Variants in CACNA2D3 observed in about 807,000 individuals in gnomAD.
CACNA2D3 encodes the protein voltage-dependent calcium channel subunit alpha-2/delta-3.
In CACNA2D3, 60 loss-of-function variants were observed where a neutral mutation model predicts 160.6. That is an observed-to-expected ratio of 0.37 (90% CI 0.30 to 0.46). The LOEUF (loss-of-function observed/expected upper bound fraction) is 0.46. Ranked by LOEUF, CACNA2D3 falls within the 20% of genes least tolerant of loss-of-function variation. CACNA2D3 has a pLI of 1.00. For synonymous variants in CACNA2D3, 558 were observed against 492.9 expected, an observed-to-expected ratio of 1.13 and a Z score of -1.75; for missense variants, 1,205 against 1,365.0, an observed-to-expected ratio of 0.88 and a Z score of 1.85.
intron 2 of CACNA2D3, among the ~76,000 whole-genome samples, chr3:54,262,216 T>C (rs957059729): frequency 6.6e-6 from 1 of 152,124 alleles, no homozygotes; most frequent in Non-Finnish European, 1.5e-5. Context: ...TGGTAGACCA[T>C]GTCTGCATAT....
intron 4 of CACNA2D3, among the ~76,000 whole-genome samples, chr3:54,473,555 C>T (rs1432040442): frequency 2.0e-4 from 30 of 152,170 alleles, no homozygotes; most frequent in Admixed American, 2.0e-3. Context: ...AACTAAACAG[C>T]TTCTGCACAG....
intron 2 of CACNA2D3, among the ~76,000 whole-genome samples, chr3:54,315,307 C>A (rs550660590): frequency 3.7e-4 from 57 of 152,254 alleles, no homozygotes; most frequent in African/African-American, 1.2e-3. Flanking sequence ...CCGCAGAGGC[C>A]CTGTGGAGGA....
chr3:54,652,656 C>T (rs1244657109), intron 11 of CACNA2D3, among the ~76,000 whole-genome samples: 1 of 151,964 alleles, frequency 6.6e-6, no homozygotes, highest in East Asian at 1.9e-4. Flanking sequence ...GGCTGGAGCC[C>T]AGTGGACATG....
At chr3:54,280,183 G>A (rs961399657) in intron 2 of CACNA2D3, among the ~76,000 whole-genome samples, 3 of 152,008 alleles carry the variant, frequency 2.0e-5, no homozygotes, top group Non-Finnish European at 2.9e-5. Flanking sequence ...CTGGGTTCAC[G>A]CCATTCTCCT....
At chr3:54,408,197 A>G (rs1161397468) in intron 4 of CACNA2D3, among the ~76,000 whole-genome samples, 3 of 152,214 alleles carry the variant, frequency 2.0e-5, no homozygotes, top group African/African-American at 4.8e-5. Context: ...GTGCTTGACA[A>G]GGAGACCTCA....
intron 31 of CACNA2D3, among the ~76,000 whole-genome samples, chr3:54,991,965 G>T (rs1468305285): frequency 1.3e-5 from 2 of 149,610 alleles, no homozygotes; most frequent in African/African-American, 5.1e-5. Context: ...TTGTTTGTTT[G>T]TCTTATTTTA....
intron 32 of CACNA2D3, among the ~76,000 whole-genome samples, chr3:55,006,099 C>T (rs1281759765): frequency 5.3e-5 from 8 of 152,188 alleles, no homozygotes; most frequent in Admixed American, 5.2e-4. Context: ...CTATGTCTTT[C>T]TAACCCAACT....
At position 54,503,508 on chromosome 3, in the gene CACNA2D3, C is replaced by T; in HGVS notation, c.398C>T (p.Ala133Val). ...DADLQYEYFNAVLINERDKDG... is the reference protein window; with the variant it reads ...DADLQYEYFNVVLINERDKDG... ...GTCTTTCAGTATGAATACTTCAATG[C>T]TGTGCTGATAAATGAAAGGGACAAA... The change falls in exon 5 of 38, where the codon GCT (alanine) becomes GTT (valine). Residue 133 changes from alanine to valine, a missense_variant. Ala to Val is a moderately conservative substitution (Grantham distance 64, BLOSUM62 0). Around this residue, in one of 3 missense-constraint regions of CACNA2D3, gnomAD observed 131 missense variants for 201.5 expected, o/e 0.65. Transcript: ENST00000474759. 6.2e-7 allele frequency: 1 copy of T among 1,613,838 alleles called. No individual in the cohort carries two copies. The highest frequency in any genetic ancestry group is 8.5e-7 in the Non-Finnish European group (1 of 1,179,778).
chr3:54,465,262 G>T (rs1055490962), intron 4 of CACNA2D3, among the ~76,000 whole-genome samples: 2 of 151,100 alleles, frequency 1.3e-5, no homozygotes, highest in African/African-American at 4.9e-5. Flanking sequence ...TGATTTTATT[G>T]AATTTCCTGT....
intron 9 of CACNA2D3, chr3:54,626,339 G>A (rs1472453275): frequency 3.6e-5 from 56 of 1,555,496 alleles, no homozygotes; most frequent in Non-Finnish European, 4.9e-5. Context: ...CGCCAGCAGC[G>A]GCGGCTGAAC....
intron 4 of CACNA2D3, among the ~76,000 whole-genome samples, chr3:54,464,151 C>G (rs190453217): frequency 0.026 from 3,910 of 152,182 alleles, 170 homozygotes; most frequent in African/African-American, 0.089. Flanking sequence ...CAGAGGAGTA[C>G]CCAGCCGTGT....
In CACNA2D3 at chr3:54,233,289, T is replaced by C. The variant is rs79720558; in HGVS notation, c.205-87153T>C. Among the ~76,000 whole-genome samples, 877 of 152,290 alleles carry C rather than the reference T, an allele frequency of 5.8e-3. 10 individuals are homozygous for C. Among genetic ancestry groups the C allele is most frequent in the African/African-American group, 0.02 (834 of 41,556 alleles). ...CAGGGCCTGGGTCAGGCTGGCATGATGTGGAATGAATGAATGATAGACAGA... is the reference window on the plus strand; with the variant it reads ...CAGGGCCTGGGTCAGGCTGGCATGACGTGGAATGAATGAATGATAGACAGA... On this transcript the variant is annotated intron_variant, in intron 2 of 37. Transcript: ENST00000474759.
At chr3:54,891,248 G>T in intron 24 of CACNA2D3, 107 bp from the exon 25 acceptor site, 8 of 600,712 alleles carry the variant, frequency 1.3e-5, no homozygotes, top group South Asian at 1.8e-5. Flanking sequence ...TAAAGTTTAA[G>T]TTTCAAAACT....
intron 5 of CACNA2D3, among the ~76,000 whole-genome samples, chr3:54,509,656 G>A (rs550650315): frequency 1.3e-5 from 2 of 152,224 alleles, no homozygotes; most frequent in Admixed American, 1.3e-4. Flanking sequence ...ATGTAGTTTG[G>A]ATTCCAGGAA....
intron 4 of CACNA2D3, among the ~76,000 whole-genome samples, chr3:54,454,078 A>G (rs943607980): frequency 2.6e-5 from 4 of 152,214 alleles, no homozygotes; most frequent in Non-Finnish European, 4.4e-5. Context: ...CTCTAATATC[A>G]GTACTAACAG....
chr3:54,685,028 C>T (rs533917635), intron 11 of CACNA2D3, among the ~76,000 whole-genome samples: 1 of 152,182 alleles, frequency 6.6e-6, no homozygotes. Flanking sequence ...ACCTTACAAT[C>T]TATCAACTCC....
At chr3:54,178,471 C>T (rs1214036343) in intron 2 of CACNA2D3, among the ~76,000 whole-genome samples, 1 of 152,196 alleles carries the variant, frequency 6.6e-6, no homozygotes, top group Admixed American at 6.5e-5. Context: ...TCCTGAGTCT[C>T]CACACTGGCA....
At chr3:54,235,472 C>T (rs781200883) in intron 2 of CACNA2D3, among the ~76,000 whole-genome samples, 9 of 152,072 alleles carry the variant, frequency 5.9e-5, no homozygotes, top group Non-Finnish European at 7.4e-5. Flanking sequence ...GGAGGTGCCA[C>T]GCACTTTTAA....
intron 3 of CACNA2D3, among the ~76,000 whole-genome samples, chr3:54,335,983 C>A (rs892877414): frequency 8.3e-6 from 1 of 120,796 alleles, no homozygotes; most frequent in South Asian, 2.6e-4. Flanking sequence ...CATAGCCTGG[C>A]GACAGAGGAA....
Sources: gnomAD v4.1 joint callset for allele counts (sites outside exome capture counted in the v4.1 genomes callset) on GRCh38, gnomAD v4.1.1 for gene constraint, gnomAD v4.1.1 regional missense constraint, MANE v1.5 for transcripts, NCBI Gene and HGNC (gene_info 2026-07-23, HGNC 2026-07-21) for gene names.